The following NPAS4 variants were observed in gnomAD, a reference collection of about 807,000 sequenced individuals.
NPAS4 encodes neuronal PAS domain protein 4, also known as neuronal PAS domain-containing protein 4.
In NPAS4, 10 loss-of-function variants were observed where a neutral mutation model predicts 64.0. That is an observed-to-expected ratio of 0.16 (90% CI 0.10 to 0.26). The LOEUF (loss-of-function observed/expected upper bound fraction) is 0.26. Among genes scored for constraint, NPAS4 ranks in the 10% least tolerant of loss-of-function variants. The probability of loss-of-function intolerance (pLI) is 1.00; values close to 1 mark genes in which losing one functional copy is unlikely to be tolerated. For synonymous variants in NPAS4, 441 were observed against 411.7 expected (o/e 1.07, Z -0.86); for missense variants, 886 against 992.6 (o/e 0.89, Z 1.44).
upstream of NPAS4, among the ~76,000 whole-genome samples, chr11:66,420,149 G>A (rs1442870728): frequency 6.6e-6 from 1 of 152,248 alleles, no homozygotes; most frequent in Non-Finnish European, 1.5e-5. Context: ...GGCAACGGGG[G>A]GAAGGGATGC....
chr11:66,418,328 G>A (rs558108152), upstream of NPAS4, among the ~76,000 whole-genome samples: 2 of 152,102 alleles, frequency 1.3e-5, no homozygotes, highest in Non-Finnish European at 2.9e-5. Context: ...TTTTAGCAGC[G>A]GCCAGGAGCT....
the NPAS4 span, among the ~76,000 whole-genome samples, chr11:66,411,180 G>C: frequency 2.6e-5 from 4 of 152,332 alleles, no homozygotes; most frequent in South Asian, 4.1e-4. Flanking sequence ...TGGGCAATGG[G>C]CTCATCCCTA....
chr11:66,423,543 T>C (rs1856787474), intron 5 of NPAS4, 35 bp from the exon 6 acceptor site: 8 of 1,612,172 alleles, frequency 5.0e-6, no homozygotes, highest in Non-Finnish European at 6.8e-6. Flanking sequence ...AATTGCCTGG[T>C]GGACATCCTA....
chr11:66,422,469 G>A lies in NPAS4; in HGVS notation c.346G>A (p.Gly116Ser). The A allele has an allele frequency of 2.5e-6, 4 of 1,613,844 alleles. No homozygotes were observed. Among genetic ancestry groups the A allele is most frequent in the Non-Finnish European group, 3.4e-6 (4 of 1,179,808 alleles). ...GHSMVDLVAQ[G>S]DSIYDIIDPA... is the part of the protein sequence containing the mutation. ...CCTCCAGGTGGACCTGGTTGCCCAG[G>A]GTGACAGCATCTACGACATCATTGA... The change falls in exon 3 of 8, where the codon GGT becomes AGT. Residue 116 changes from glycine to serine, a missense_variant. Physicochemically the swap from Gly to Ser is moderately conservative, Grantham distance 56. Coordinates refer to ENST00000311034, the MANE Select transcript of NPAS4 (RefSeq NM_178864.4).
chr11:66,424,606 G>A lies in NPAS4; in HGVS notation c.1716G>A (p.Glu572=). 1 of 1,614,146 alleles carries A rather than the reference G, an allele frequency of 6.2e-7. No individual in the cohort carries two copies. The highest frequency in any genetic ancestry group is 8.5e-7 in the Non-Finnish European group (1 of 1,180,024). ...FAQEGCSFLY[E]KLPPSPSSPG... ...AGGAGGGATGCAGTTTTCTCTATGAGAAGTTGCCCCCAAGTCCTAGCAGCC... is the reference window on the plus strand; with the variant it reads ...AGGAGGGATGCAGTTTTCTCTATGAAAAGTTGCCCCCAAGTCCTAGCAGCC... The change falls in exon 7 of 8, where the codon GAG becomes GAA. Residue 572 remains glutamate (E), a synonymous_variant. Transcript: ENST00000311034.
At chr11:66,421,011 A>T (rs1204616424), upstream of NPAS4, 1 of 614,920 alleles carries the variant, frequency 1.6e-6, no homozygotes, top group Non-Finnish European at 2.8e-6. Context: ...GGAGCTATAT[A>T]AGGCGGCGTG....
Position 66,422,850 on chromosome 11 carries a change from C to T in NPAS4, c.607C>T (p.Pro203Ser). Residue 203 changes from proline to serine, a missense_variant, in exon 4 of 8, where the codon CCT (proline) becomes TCT (serine). Transcript: ENST00000311034. ...APLEPRPRPG[P>S]GPGPGPASLF... is the part of the protein sequence containing the mutation. ...TCTGGAGCCGAGACCCCGCCCAGGT[C>T]CTGGCCCTGGCCCTGGCCCTGCCTC... 1 of 1,612,826 alleles carries T rather than the reference C, an allele frequency of 6.2e-7. No homozygotes were observed. Among genetic ancestry groups the T allele is most frequent in the Non-Finnish European group, 8.5e-7 (1 of 1,179,968 alleles).
At chr11:66,421,860 G>T (rs1169455988) in intron 1 of NPAS4, among the ~76,000 whole-genome samples, 3 of 152,200 alleles carry the variant, frequency 2.0e-5, no homozygotes, top group African/African-American at 4.8e-5. Context: ...ATTCAGAGCC[G>T]CTTTGGAGCT....
In NPAS4 at chr11:66,423,581, C is replaced by T; in HGVS notation, c.812C>T (p.Ala271Val). Residue 271 changes from alanine (A) to valine (V), a missense_variant, in exon 6 of 8, where the codon GCT (alanine) becomes GTT (valine). Physicochemically the swap from Ala to Val is moderately conservative, Grantham distance 64. Transcript: ENST00000311034. ...HASAQHYRLL[A>V]ESGDIQAEMV... The stretch of plus-strand genomic sequence containing the variant: ...TCTGCATCTTCTTTCTCCCCAGTGG[C>T]TGAGAGTGGAGATATTCAGGCAGAG... 1 of 1,614,018 alleles carries T rather than the reference C, an allele frequency of 6.2e-7. No homozygotes were observed. The highest frequency in any genetic ancestry group is 8.5e-7 in the Non-Finnish European group (1 of 1,180,006).
Position 66,423,144 on chromosome 11 carries a change from T to C in NPAS4, c.720T>C (p.Phe240=). ...CCAGTGTCCTAATCTACCTGGGCTT[T>C]GAGCGCAGTGAACTGCTTTGTAAAT... ...ISESVLIYLG[F]ERSELLCKSW... is the part of the protein sequence containing the mutation. The change falls in exon 5 of 8, where the codon TTT becomes TTC. Residue 240 remains phenylalanine (F), a synonymous_variant. Transcript: ENST00000311034. 6.2e-7 allele frequency: 1 copy of C among 1,610,394 alleles called. No individual in the cohort carries two copies. The highest frequency in any genetic ancestry group is 8.5e-7 in the Non-Finnish European group (1 of 1,177,924).
Position 66,424,464 on chromosome 11 carries a change from G to A in NPAS4, c.1574G>A (p.Ser525Asn). The A allele has an allele frequency of 3.1e-6, 5 of 1,614,050 alleles. No homozygotes were observed. The highest frequency in any genetic ancestry group is 4.2e-6 in the Non-Finnish European group (5 of 1,179,998). The change falls in exon 7 of 8, where the codon AGC (serine) becomes AAC (asparagine). Residue 525 changes from serine (S) to asparagine (N), a missense_variant. Coordinates refer to ENST00000311034, the MANE Select transcript of NPAS4 (RefSeq NM_178864.4). ...STATFPEPLGSPAHEQLTPPS... is the reference protein window; with the variant it reads ...STATFPEPLGNPAHEQLTPPS... ...GCCACCTTCCCAGAGCCTCTGGGCA[G>A]CCCTGCCCATGAACAGCTGACTCCT...
At chr11:66,421,817 A>T (rs551408682) in intron 1 of NPAS4, among the ~76,000 whole-genome samples, 2 of 152,334 alleles carry the variant, frequency 1.3e-5, no homozygotes, top group African/African-American at 4.8e-5. Context: ...CTGAACCCAC[A>T]GTCGGCTTCG....
At chr11:66,423,500 G>A in intron 5 of NPAS4, 78 bp from the exon 6 acceptor site, 1 of 1,545,104 alleles carries the variant, frequency 6.5e-7, no homozygotes, top group Non-Finnish European at 8.9e-7. Flanking sequence ...TCTCAATTCA[G>A]TGGAGAGGTG....
chr11:66,411,501 G>A, the NPAS4 span, among the ~76,000 whole-genome samples: 241 of 152,304 alleles, frequency 1.6e-3, 2 homozygotes, highest in African/African-American at 5.3e-3. Context: ...AGCTCAGCTC[G>A]TCTTCTTCCT....
the NPAS4 span, among the ~76,000 whole-genome samples, chr11:66,414,471 C>G: frequency 6.6e-6 from 1 of 152,148 alleles, no homozygotes; most frequent in Non-Finnish European, 1.5e-5. Flanking sequence ...TCTCCCACCC[C>G]CTCCATGGTT....
chr11:66,414,895 A>G, the NPAS4 span, among the ~76,000 whole-genome samples: 4 of 152,220 alleles, frequency 2.6e-5, no homozygotes, highest in Non-Finnish European at 5.9e-5. Flanking sequence ...CCTGGGTTCA[A>G]TTGTGGATTT....
In NPAS4 at chr11:66,424,388, C is replaced by A. The variant is rs71457718; in HGVS notation, c.1498C>A (p.Gln500Lys). 10,175 of 1,614,084 alleles carry A rather than the reference C, an allele frequency of 6.3e-3. 48 individuals carry two copies. The highest frequency in any genetic ancestry group is 8.2e-3 in the Non-Finnish European group (9,622 of 1,179,970). ...TETSVRSYED[Q>K]LTPCTSTFPD... Reference sequence around the variant, plus strand: ...AACCTCGGTCAGAAGCTATGAAGACCAGTTGACTCCCTGCACCTCCACCTT... The same window carrying A: ...AACCTCGGTCAGAAGCTATGAAGACAAGTTGACTCCCTGCACCTCCACCTT... Residue 500 changes from glutamine to lysine, a missense_variant, in exon 7 of 8, where the codon CAG (glutamine) becomes AAG (lysine). Transcript: ENST00000311034.
chr11:66,423,745 C>A, intron 6 of NPAS4, 32 bp downstream of exon 6: 1 of 1,613,278 alleles, frequency 6.2e-7, no homozygotes, highest in Non-Finnish European at 8.5e-7. Context: ...TAGGGGGCAG[C>A]TGAGGTCGTC....
rs775199952 is a variant in NPAS4, at chr11:66,424,110, G to T, written c.1220G>T (p.Gly407Val). ...LDFSYLTFPSGPEPSLQAELS... is the reference protein window; with the variant it reads ...LDFSYLTFPSVPEPSLQAELS... The stretch of plus-strand genomic sequence containing the variant: ...TTCAGTTACCTGACATTCCCTTCTG[G>T]GCCTGAGCCTTCTCTCCAAGCAGAA... Residue 407 changes from glycine (G) to valine (V), a missense_variant, in exon 7 of 8, where the codon GGG becomes GTG. By Grantham distance (109) the Gly-to-Val change is moderately radical. Coordinates refer to ENST00000311034, the MANE Select transcript of NPAS4 (RefSeq NM_178864.4). 8 of 1,613,922 alleles carry T rather than the reference G, an allele frequency of 5.0e-6. No homozygotes were observed. Among genetic ancestry groups the T allele is most frequent in the South Asian group, 2.2e-5 (2 of 91,068 alleles).
Sources: gnomAD v4.1 joint callset for allele counts (sites outside exome capture counted in the v4.1 genomes callset) on GRCh38, gnomAD v4.1.1 for gene constraint, MANE v1.5 for transcripts, NCBI Gene and HGNC (gene_info 2026-07-23, HGNC 2026-07-21) for gene names.